Variants in NRXN1 observed in about 807,000 individuals in gnomAD.
The protein encoded by NRXN1 is neurexin 1.
In NRXN1, 39 loss-of-function variants were observed where a neutral mutation model predicts 150.9. The ratio of observed to expected loss-of-function variants is 0.26; its 90% confidence interval spans 0.20 to 0.34. NRXN1 has a LOEUF of 0.34. Among genes scored for constraint, NRXN1 ranks in the 10% least tolerant of loss-of-function variants. The pLI is 1.00. For synonymous variants in NRXN1, 924 were observed against 757.0 expected (o/e 1.22, Z -3.62); for missense variants, 1,815 against 1,949.9 (o/e 0.93, Z 1.30).
chr2:50,033,559 A>T (rs1263611828), intron 21 of NRXN1, among the ~76,000 whole-genome samples: 1 of 152,138 alleles, frequency 6.6e-6, no homozygotes, highest in African/African-American at 2.4e-5. Context: ...TTCTCGACAT[A>T]GGAACAGGCA....
chr2:51,028,606 T>A lies in NRXN1; in HGVS notation c.-333A>T. The A allele has an allele frequency of 3.7e-6, 1 of 270,708 alleles. No homozygotes were observed. The highest frequency in any genetic ancestry group is 1.1e-3 in the Middle Eastern group (1 of 924). The allele number at this position is 270,708 out of a possible 1,614,324, so 16.8% of individuals were successfully genotyped here. On this transcript the variant is annotated 5_prime_UTR_variant, in exon 2 of 23. An upstream start codon of the reference 5' UTR is lost. Coordinates refer to ENST00000401669, the MANE Select transcript of NRXN1 (RefSeq NM_001330078.2). ...AAGATCAAGGGAAAGCACTGACCCATTTGAGTCTGATTAACTAATTTAAGA... is the reference window on the plus strand; with the variant it reads ...AAGATCAAGGGAAAGCACTGACCCAATTGAGTCTGATTAACTAATTTAAGA...
intron 17 of NRXN1, among the ~76,000 whole-genome samples, chr2:50,243,290 T>C (rs1382850176): frequency 6.6e-6 from 1 of 151,626 alleles, no homozygotes; most frequent in African/African-American, 2.4e-5. Flanking sequence ...TGTACAATTA[T>C]AACATGTCAA....
At chr2:50,556,255 G>A (rs886453072) in intron 8 of NRXN1, among the ~76,000 whole-genome samples, 1 of 152,110 alleles carries the variant, frequency 6.6e-6, no homozygotes, top group Non-Finnish European at 1.5e-5. Context: ...TGAGTAGCTA[G>A]TAAGTATTCT....
rs1420400421 is a variant in NRXN1 at position 50,506,633 on chromosome 2, A to G, written c.2375-16T>C. On this transcript the variant is annotated splice_polypyrimidine_tract_variant and intron_variant, in intron 12 of 22. Coordinates refer to ENST00000401669, the MANE Select transcript of NRXN1 (RefSeq NM_001330078.2). ...GGACCTTTGCCTGTAGAATATGCCA[A>G]ACAGTCATTATGGACACTCAGAATC... 6.2e-7 allele frequency: 1 copy of G among 1,612,336 alleles called. No individual in the cohort carries two copies.
In NRXN1 at chr2:50,524,870, GA is replaced by G. The variant is rs199966817; in HGVS notation, c.2374+3754del. On this transcript the variant is annotated intron_variant, in intron 12 of 22. Coordinates refer to ENST00000401669, the MANE Select transcript of NRXN1 (RefSeq NM_001330078.2). ...CATCACAAAAAAGGCCAAATTTTCA[GA>G]AAAAAAATACATAGAAACACATAGC... Among the ~76,000 whole-genome samples, 40 of 151,790 alleles carry G rather than the reference GA, an allele frequency of 2.6e-4. 1 individual carries two copies. The East Asian group carries it at 5.8e-3, about 22-fold the overall frequency.
At chr2:50,897,275 C>T (rs1682125500) in intron 5 of NRXN1, among the ~76,000 whole-genome samples, 1 of 152,196 alleles carries the variant, frequency 6.6e-6, no homozygotes, top group Admixed American at 6.5e-5. Flanking sequence ...AAACGTCGTA[C>T]TGTGACTGGC....
chr2:50,908,473 T>A (rs1054164077), intron 5 of NRXN1, among the ~76,000 whole-genome samples: 21 of 152,088 alleles, frequency 1.4e-4, no homozygotes, highest in African/African-American at 5.1e-4. Context: ...TATGCCTTGC[T>A]CAGATACCCA....
intron 18 of NRXN1, among the ~76,000 whole-genome samples, chr2:50,186,237 C>T (rs538474860): frequency 1.1e-4 from 17 of 152,070 alleles, no homozygotes; most frequent in East Asian, 3.9e-4. Context: ...ATGTATACTA[C>T]GCTCAACTAA....
intron 5 of NRXN1, among the ~76,000 whole-genome samples, chr2:50,640,912 G>C (rs1683987120): frequency 6.6e-6 from 1 of 152,146 alleles, no homozygotes. Flanking sequence ...ATTCTAAAGA[G>C]AAGGTCATGG....
rs538244876 is a variant in NRXN1, at chr2:50,017,054, C to T, written c.4128+36217G>A. 5.3e-5 allele frequency among the ~76,000 whole-genome samples: 8 copies of T among 152,158 alleles called. No homozygotes were observed. The East Asian group carries it at 1.4e-3, about 26-fold the overall frequency. On this transcript the variant is annotated intron_variant, in intron 21 of 22. Coordinates refer to ENST00000401669, the MANE Select transcript of NRXN1 (RefSeq NM_001330078.2). The stretch of plus-strand genomic sequence containing the variant: ...AGCTTTGGAGACAGAGGATGTGTTC[C>T]AGCTCACAGACTTTCAGGAATAATA...
At chr2:50,483,653 A>C (rs750214124) in intron 15 of NRXN1, among the ~76,000 whole-genome samples, 4 of 152,174 alleles carry the variant, frequency 2.6e-5, no homozygotes, top group Non-Finnish European at 4.4e-5. Context: ...TTACCTGCCC[A>C]GGGTAATACA....
intron 11 of NRXN1, among the ~76,000 whole-genome samples, chr2:50,529,689 T>C (rs2093047571): frequency 6.6e-6 from 1 of 152,204 alleles, no homozygotes; most frequent in Admixed American, 6.5e-5. Flanking sequence ...CACCTCTTTC[T>C]ACAGAATGCT....
chr2:50,023,983 G>A (rs1687931286), intron 21 of NRXN1: 1 of 152,134 alleles, frequency 6.6e-6, no homozygotes, highest in Non-Finnish European at 1.5e-5. Flanking sequence ...GGCATTAGGT[G>A]TTTTTATTCC....
intron 17 of NRXN1, among the ~76,000 whole-genome samples, chr2:50,263,950 G>A (rs116583399): frequency 0.035 from 5,342 of 152,090 alleles, 308 homozygotes; most frequent in African/African-American, 0.12. Flanking sequence ...TGAAATCAAT[G>A]GCCTGTTACT....
At chr2:50,244,683 T>C (rs2066341193) in intron 17 of NRXN1, among the ~76,000 whole-genome samples, 1 of 151,866 alleles carries the variant, frequency 6.6e-6, no homozygotes, top group African/African-American at 2.4e-5. Context: ...AAAATGGTGG[T>C]GTTCTGTTGC....
At chr2:50,301,312 C>A (rs555098594) in intron 17 of NRXN1, among the ~76,000 whole-genome samples, 2 of 152,190 alleles carry the variant, frequency 1.3e-5, no homozygotes, top group African/African-American at 4.8e-5. Flanking sequence ...TAAAACATAA[C>A]ATTATTATTT....
chr2:50,021,569 ATT>A (rs1687572143), intron 21 of NRXN1, among the ~76,000 whole-genome samples: 1 of 152,214 alleles, frequency 6.6e-6, no homozygotes, highest in Admixed American at 6.5e-5. Context: ...TAAGAAATAA[ATT>A]ATTAGAGACT....
intron 18 of NRXN1, among the ~76,000 whole-genome samples, chr2:50,152,264 C>T (rs141959681): frequency 2.6e-5 from 4 of 151,770 alleles, no homozygotes; most frequent in Admixed American, 2.6e-4. Context: ...TTTCACTACT[C>T]TAGGTACATT....
chr2:50,927,127 T>G (rs548606209), intron 2 of NRXN1, among the ~76,000 whole-genome samples: 30 of 152,110 alleles, frequency 2.0e-4, no homozygotes, highest in Admixed American at 5.9e-4. Context: ...ACTCATCATC[T>G]GATCAGAGGT....
Sources: allele counts gnomAD v4.1 joint callset (sites outside exome capture counted in the v4.1 genomes callset), GRCh38; gene constraint gnomAD v4.1.1; transcripts MANE v1.5; gene names NCBI Gene and HGNC (gene_info 2026-07-23, HGNC 2026-07-21).